The following NELL2 variants were observed in gnomAD, a reference collection of about 807,000 sequenced individuals.
The protein encoded by NELL2 is neural EGFL like 2.
Under a neutral mutation model 109.6 loss-of-function variants are expected in NELL2, and 41 were observed. The observed-to-expected ratio is 0.37, with a 90% CI of 0.29 to 0.49. The LOEUF is 0.49. Ranked by LOEUF, NELL2 falls within the 20% of genes least tolerant of loss-of-function variation. The pLI is 0.98. For synonymous variants in NELL2, 355 were observed against 344.7 expected, an observed-to-expected ratio of 1.03 and a Z score of -0.33; for missense variants, 900 against 1,008.3, an observed-to-expected ratio of 0.89 and a Z score of 1.45.
chr12:44,705,473 G>A (rs930226795), intron 11 of NELL2, among the ~76,000 whole-genome samples: 1 of 152,172 alleles, frequency 6.6e-6, no homozygotes, highest in African/African-American at 2.4e-5. Context: ...GATTAAGGCT[G>A]TACATTTAAA....
chr12:44,616,186 TA>T (rs1208570688), intron 13 of NELL2, among the ~76,000 whole-genome samples: 1 of 152,152 alleles, frequency 6.6e-6, no homozygotes, highest in Non-Finnish European at 1.5e-5. Flanking sequence ...TAACAGAACA[TA>T]ATATACCTTC....
intron 15 of NELL2, among the ~76,000 whole-genome samples, chr12:44,582,941 T>A (rs991590159): frequency 2.6e-5 from 4 of 152,144 alleles, no homozygotes; most frequent in African/African-American, 9.7e-5. Context: ...TTTGGCCCCT[T>A]CTTGCTCTTG....
upstream of NELL2, among the ~76,000 whole-genome samples, chr12:44,917,733 C>T (rs1945839080): frequency 6.6e-6 from 1 of 152,192 alleles, no homozygotes; most frequent in African/African-American, 2.4e-5. Flanking sequence ...AGTGACTAGG[C>T]ACTCCCTGAA....
intron 19 of NELL2, among the ~76,000 whole-genome samples, chr12:44,512,396 A>G (rs774301217): frequency 5.3e-5 from 8 of 152,098 alleles, no homozygotes; most frequent in Non-Finnish European, 8.8e-5. Flanking sequence ...AAATTAGTAG[A>G]GCCATTATAA....
intron 15 of NELL2, among the ~76,000 whole-genome samples, chr12:44,580,236 G>A (rs144895942): frequency 1.3e-5 from 2 of 152,144 alleles, no homozygotes; most frequent in East Asian, 1.9e-4. Context: ...TCTGTTATGG[G>A]TTCATCAGAA....
intron 3 of NELL2, among the ~76,000 whole-genome samples, chr12:44,797,027 G>A (rs1003417888): frequency 3.3e-5 from 5 of 151,884 alleles, no homozygotes; most frequent in Non-Finnish European, 2.9e-5. Flanking sequence ...TTAAAACATC[G>A]ATTTTCAAAA....
intron 19 of NELL2, among the ~76,000 whole-genome samples, chr12:44,511,997 T>C (rs773465554): frequency 2.6e-5 from 4 of 152,016 alleles, no homozygotes; most frequent in African/African-American, 2.4e-5. Flanking sequence ...TATATCAAAC[T>C]AAAAAGCTTC....
chr12:44,803,212 A>G (rs1003979595), intron 3 of NELL2, among the ~76,000 whole-genome samples: 1 of 138,472 alleles, frequency 7.2e-6, no homozygotes, highest in African/African-American at 2.7e-5. Flanking sequence ...GAGACAGGAA[A>G]AAACTGGAAC....
At chr12:44,848,502 G>A (rs574154701) in intron 2 of NELL2, among the ~76,000 whole-genome samples, 7 of 152,194 alleles carry the variant, frequency 4.6e-5, no homozygotes, top group African/African-American at 1.7e-4. Flanking sequence ...TCAACCCCCA[G>A]AGCAACACAC....
intron 12 of NELL2, among the ~76,000 whole-genome samples, chr12:44,681,652 G>A (rs775454527): frequency 6.6e-6 from 1 of 152,074 alleles, no homozygotes; most frequent in Non-Finnish European, 1.5e-5. Context: ...CCACCTATGG[G>A]TGAGAATATG....
intron 3 of NELL2, among the ~76,000 whole-genome samples, chr12:44,783,087 C>G (rs1942024524): frequency 6.6e-6 from 1 of 151,718 alleles, no homozygotes; most frequent in African/African-American, 2.4e-5. Context: ...AAATCAATAA[C>G]CAGACAATCT....
At chr12:44,799,118 C>G (rs1284633198) in intron 3 of NELL2, among the ~76,000 whole-genome samples, 1 of 151,770 alleles carries the variant, frequency 6.6e-6, no homozygotes, top group African/African-American at 2.4e-5. Flanking sequence ...GCCACCATGC[C>G]TGGCTAATTT....
In NELL2 at chr12:44,741,445, A is replaced by G. The variant is rs570124370; in HGVS notation, c.995-26704T>C. Among the ~76,000 whole-genome samples the G allele has an allele frequency of 9.2e-5, 14 of 152,284 alleles. No individual in the cohort carries two copies. In the East Asian group the frequency reaches 1.9e-3, roughly 21 times the overall value. On this transcript the variant is annotated intron_variant, in intron 9 of 19. Coordinates refer to ENST00000429094, the MANE Select transcript of NELL2 (RefSeq NM_001145108.2). ...CGGGTTCATCCCACTGGGGAGTGCC[A>G]GACAGTGGGTGCAGGACAGTGGGTG...
At chr12:44,888,381 GTT>G (rs61158046) in intron 1 of NELL2, among the ~76,000 whole-genome samples, 6 of 136,520 alleles carry the variant, frequency 4.4e-5, no homozygotes, top group African/African-American at 1.1e-4. Context: ...TGAACAGTTG[GTT>G]TTTTTTTTTT....
chr12:44,790,096 T>C (rs1230753303), intron 3 of NELL2, among the ~76,000 whole-genome samples: 1 of 152,148 alleles, frequency 6.6e-6, no homozygotes, highest in Non-Finnish European at 1.5e-5. Flanking sequence ...GCTGGAGACC[T>C]AGACATCCAA....
chr12:44,774,761 C>T lies in NELL2; in HGVS notation c.980G>A (p.Cys327Tyr). ...GTTATGCTCACATTTGCATTCCTTA[C>T]AGCATTTGCCATCCACATACGCAAG... ...SALAYVDGKC[C>Y]KECKSICQFQ... Residue 327 changes from cysteine (C) to tyrosine (Y), a missense_variant, in exon 9 of 20, where the codon TGT (cysteine) becomes TAT (tyrosine). By Grantham distance (194) the Cys-to-Tyr change is radical. Coordinates refer to ENST00000429094, the MANE Select transcript of NELL2 (RefSeq NM_001145108.2). 6.2e-7 allele frequency: 1 copy of T among 1,613,680 alleles called. No homozygotes were observed.
intron 15 of NELL2, among the ~76,000 whole-genome samples, chr12:44,600,127 A>ATTTATTTATTT (rs1555183509): frequency 7.6e-6 from 1 of 132,186 alleles, no homozygotes; most frequent in African/African-American, 2.9e-5. Context: ...ACGCCCGGCT[A>ATTTATTTATTT]ATTTATTTAT....
intron 8 of NELL2, 133 bp downstream of exon 8, chr12:44,775,889 G>T: frequency 1.1e-6 from 1 of 932,446 alleles, no homozygotes; most frequent in Non-Finnish European, 1.6e-6. Context: ...GATATGACCA[G>T]GTTTGTTGAC....
chr12:44,600,125 CTAAT>C (rs1555183506), intron 15 of NELL2, among the ~76,000 whole-genome samples: 5 of 133,540 alleles, frequency 3.7e-5, no homozygotes, highest in Admixed American at 7.5e-5. Context: ...GCACGCCCGG[CTAAT>C]TTATTTATTT....
Sources: allele counts gnomAD v4.1 joint callset (sites outside exome capture counted in the v4.1 genomes callset), GRCh38; gene constraint gnomAD v4.1.1; transcripts MANE v1.5; gene names NCBI Gene and HGNC (gene_info 2026-07-23, HGNC 2026-07-21).